The following IPO7 variants were observed in gnomAD, a reference collection of about 807,000 sequenced individuals.
IPO7 encodes the protein importin-7.
Under a neutral mutation model 136.4 loss-of-function variants are expected in IPO7, and 13 were observed. The ratio of observed to expected loss-of-function variants is 0.10; its 90% confidence interval spans 0.06 to 0.15. The LOEUF is 0.15. Among genes scored for constraint, IPO7 ranks in the 10% least tolerant of loss-of-function variants. The pLI is 1.00. For synonymous variants in IPO7, 403 were observed against 404.4 expected (o/e 1.00, Z 0.04); for missense variants, 857 against 1,240.6 (o/e 0.69, Z 4.65).
At chr11:9,406,476 A>G (rs1484158857) in intron 2 of IPO7, among the ~76,000 whole-genome samples, 1 of 152,186 alleles carries the variant, frequency 6.6e-6, no homozygotes, top group Non-Finnish European at 1.5e-5. Flanking sequence ...TGTGTATTAG[A>G]AAAACAAATT....
intron 22 of IPO7, 60 bp downstream of exon 22, chr11:9,438,345 G>T: frequency 9.1e-7 from 1 of 1,104,236 alleles, no homozygotes; most frequent in Non-Finnish European, 1.4e-6. Flanking sequence ...TACCGCACTG[G>T]GCCGGGCGCA....
At chr11:9,434,075 C>T (rs1855337533) in intron 18 of IPO7, among the ~76,000 whole-genome samples, 1 of 152,148 alleles carries the variant, frequency 6.6e-6, no homozygotes, top group Non-Finnish European at 1.5e-5. Flanking sequence ...AGGCATGCGC[C>T]ACCATGCCCG....
At chr11:9,443,315 G>A (rs932247018) in intron 24 of IPO7, among the ~76,000 whole-genome samples, 9 of 152,064 alleles carry the variant, frequency 5.9e-5, no homozygotes, top group East Asian at 1.9e-4. Context: ...CACCTAAGCC[G>A]GGCGCAGTGG....
chr11:9,435,000 A>T lies in IPO7; in HGVS notation c.2141A>T (p.Tyr714Phe). The change falls in exon 19 of 25, where the codon TAT (tyrosine) becomes TTT (phenylalanine). Residue 714 changes from tyrosine (Y) to phenylalanine (F), a missense_variant. By Grantham distance (22) the Tyr-to-Phe change is conservative. Around this residue, in one of 11 missense-constraint regions of IPO7, gnomAD observed 190 missense variants for 249.0 expected, o/e 0.76. Transcript: ENST00000379719. Reference protein sequence around the residue: ...DTDTLLSDTKYLEMIYSMCKK... With the variant: ...DTDTLLSDTKFLEMIYSMCKK... Reference sequence around the variant, plus strand: ...GACACACTTCTGTCTGACACCAAGTATCTTGAAATGATATACAGTATGTGC... The same window carrying T: ...GACACACTTCTGTCTGACACCAAGTTTCTTGAAATGATATACAGTATGTGC... The T allele has an allele frequency of 6.2e-7, 1 of 1,606,710 alleles. No homozygotes were observed. The highest frequency in any genetic ancestry group is 1.7e-4 in the Middle Eastern group (1 of 6,048).
intron 8 of IPO7, 38 bp downstream of exon 8, chr11:9,420,736 C>G (rs780302635): frequency 7.5e-7 from 1 of 1,332,420 alleles, no homozygotes; most frequent in South Asian, 1.2e-5. Context: ...GGAAACATGG[C>G]ATCTTTAAGT....
chr11:9,409,587 C>A (rs368099413), intron 3 of IPO7, among the ~76,000 whole-genome samples: 1 of 152,036 alleles, frequency 6.6e-6, no homozygotes, highest in East Asian at 1.9e-4. Context: ...ACCATGTTGG[C>A]CAGGATGGTC....
rs1855539436 is a variant in IPO7, at chr11:9,447,038, T to A, written c.*1844T>A. ...TTATATAAAGTCAATAAAAATGAAGTAGTTGTATATATGCAACATTGTGTA... is the reference window on the plus strand; with the variant it reads ...TTATATAAAGTCAATAAAAATGAAGAAGTTGTATATATGCAACATTGTGTA... On this transcript the variant is annotated 3_prime_UTR_variant, in exon 25 of 25. Transcript: ENST00000379719. 1 of 152,180 alleles carries A rather than the reference T, an allele frequency of 6.6e-6. No homozygotes were observed. The allele number at this position is 152,180 out of a possible 1,614,324, so 9.4% of individuals were successfully genotyped here. A position where few individuals can be genotyped will look rare whatever the true frequency, so the allele number is the denominator to read the frequency against.
At chr11:9,391,156 T>A (rs1389373699) in intron 1 of IPO7, among the ~76,000 whole-genome samples, 2 of 152,074 alleles carry the variant, frequency 1.3e-5, no homozygotes, top group Non-Finnish European at 2.9e-5. Flanking sequence ...ATCCAGCACT[T>A]TGGGAGGCCG....
In IPO7 at chr11:9,385,293, G is replaced by T. The variant is rs1419869838; in HGVS notation, c.84+446G>T. ...TCCTGGGAATGCCGGCTGGTCCTTT[G>T]GGGGCTGCGCCTGTCATCCTTGTCA... On this transcript the variant is annotated intron_variant, in intron 1 of 24. Coordinates refer to ENST00000379719, the MANE Select transcript of IPO7 (RefSeq NM_006391.3). Among the ~76,000 whole-genome samples, 3 of 152,196 alleles carry T rather than the reference G, an allele frequency of 2.0e-5. No individual in the cohort carries two copies. The East Asian group carries it at 5.8e-4, about 29-fold the overall frequency.
intron 16 of IPO7, among the ~76,000 whole-genome samples, chr11:9,431,854 A>G (rs1203758502): frequency 2.0e-5 from 3 of 152,100 alleles, no homozygotes; most frequent in Non-Finnish European, 4.4e-5. Context: ...GGGCGCCTGT[A>G]ATCCCAGCTA....
chr11:9,427,024 A>G (rs1468756213), intron 12 of IPO7, among the ~76,000 whole-genome samples: 2 of 151,508 alleles, frequency 1.3e-5, no homozygotes, highest in East Asian at 1.9e-4. Flanking sequence ...TAATTTTTGT[A>G]TTTTTAGTAG....
rs71062848 is a variant in IPO7, at chr11:9,412,830, C to CA, written c.480-1415dup. Among the ~76,000 whole-genome samples, 470 of 146,930 alleles carry CA rather than the reference C, an allele frequency of 3.2e-3. 3 individuals are homozygous for CA. Among genetic ancestry groups the CA allele is most frequent in the Middle Eastern group, 0.024 (7 of 286 alleles). On this transcript the variant is annotated intron_variant, in intron 4 of 24. Transcript: ENST00000379719. ...GGGTGACAGAGTGAGGCACTTTCTC[C>CA]AAAAAAAAAAGGATACTGGAATTGC...
chr11:9,409,236 G>A (rs1333853465), intron 3 of IPO7, among the ~76,000 whole-genome samples: 10 of 151,566 alleles, frequency 6.6e-5, no homozygotes, highest in Non-Finnish European at 1.3e-4. Context: ...AGTCTCCCGA[G>A]TAGCTGGGAT....
intron 2 of IPO7, among the ~76,000 whole-genome samples, chr11:9,406,731 G>C (rs564720493): frequency 1.3e-5 from 2 of 151,942 alleles, no homozygotes; most frequent in Non-Finnish European, 2.9e-5. Flanking sequence ...AAATTAGCCG[G>C]GTGGTAGTGG....
rs141669236 is a variant in IPO7, at chr11:9,440,181, G to A, written c.2696-274G>A. ...CCTTTTAAAAAAAATCTTACAAAAGGTTTGGTGGGTGTAACGGTAGTGTGT... is the reference window on the plus strand; with the variant it reads ...CCTTTTAAAAAAAATCTTACAAAAGATTTGGTGGGTGTAACGGTAGTGTGT... On this transcript the variant is annotated intron_variant, in intron 22 of 24. Coordinates refer to ENST00000379719, the MANE Select transcript of IPO7 (RefSeq NM_006391.3). Among the ~76,000 whole-genome samples the A allele has an allele frequency of 4.2e-3, 643 of 152,238 alleles. 9 individuals carry two copies. The highest frequency in any genetic ancestry group is 2.8e-3 in the Non-Finnish European group (192 of 68,022).
chr11:9,407,293 C>A (rs554129823), intron 2 of IPO7, among the ~76,000 whole-genome samples: 1 of 152,200 alleles, frequency 6.6e-6, no homozygotes, highest in African/African-American at 2.4e-5. Context: ...CCTTGGCTCA[C>A]GCCTATAATC....
chr11:9,413,536 A>T (rs951443070), intron 4 of IPO7, among the ~76,000 whole-genome samples: 1 of 152,024 alleles, frequency 6.6e-6, no homozygotes, highest in Non-Finnish European at 1.5e-5. Context: ...TACTTTCCTC[A>T]TTTATTATGA....
At chr11:9,400,329 T>A (rs1189388904) in intron 1 of IPO7, among the ~76,000 whole-genome samples, 7 of 152,206 alleles carry the variant, frequency 4.6e-5, no homozygotes, top group Non-Finnish European at 2.9e-5. Context: ...GACAACACTG[T>A]AAGTTGCCAT....
intron 2 of IPO7, among the ~76,000 whole-genome samples, chr11:9,403,850 T>C (rs1013124358): frequency 2.6e-5 from 4 of 152,172 alleles, no homozygotes; most frequent in Admixed American, 6.5e-5. Flanking sequence ...AAAAATAATG[T>C]AGTGTACATT....
Sources: allele counts gnomAD v4.1 joint callset (sites outside exome capture counted in the v4.1 genomes callset), GRCh38; gene constraint gnomAD v4.1.1; regional missense constraint gnomAD v4.1.1; transcripts MANE v1.5; gene names NCBI Gene and HGNC (gene_info 2026-07-23, HGNC 2026-07-21).